Variants in TCP11 observed in about 807,000 individuals in gnomAD.
The protein encoded by TCP11 is t-complex 11, also known as T-complex protein 11 homolog.
TCP11 carries 34 observed loss-of-function variants against 45.0 expected under a neutral mutation model. That is an observed-to-expected ratio of 0.76 (90% CI 0.57 to 1.01). The LOEUF (loss-of-function observed/expected upper bound fraction) is 1.01. TCP11 is among the 50% of genes least tolerant of loss of function. The pLI is 0.00. For synonymous variants in TCP11, 227 were observed against 227.0 expected (o/e 1.00, Z 0.00); for missense variants, 523 against 598.1 (o/e 0.87, Z 1.31).
intron 4 of TCP11, among the ~76,000 whole-genome samples, chr6:35,127,790 T>G (rs1438369600): frequency 6.6e-6 from 1 of 152,198 alleles, no homozygotes; most frequent in Non-Finnish European, 1.5e-5. Context: ...AAATAATAAA[T>G]AGCTATCTGT....
chr6:35,128,157 A>C (rs539698096), intron 4 of TCP11: 1 of 152,280 alleles, frequency 6.6e-6, no homozygotes, highest in African/African-American at 2.4e-5. Context: ...CTGCAAGCAA[A>C]GTGTTAGCTG....
At chr6:35,123,507 CAG>C (rs1779503848) in intron 4 of TCP11, among the ~76,000 whole-genome samples, 1 of 152,084 alleles carries the variant, frequency 6.6e-6, no homozygotes, top group South Asian at 2.1e-4. Flanking sequence ...TCTTTTGAGA[CAG>C]AGTTTCAATC....
In TCP11 at chr6:35,120,124, C is replaced by A. The variant is rs1439181020; in HGVS notation, c.1115+35G>T. The A allele has an allele frequency of 1.9e-6, 3 of 1,600,456 alleles. No individual in the cohort carries two copies. The African/African-American group carries it at 4.0e-5, about 21-fold the overall frequency. On this transcript the variant is annotated intron_variant, in intron 8 of 9. Transcript: ENST00000311875. The surrounding 1 kb of genome is among the most constrained non-coding windows in gnomAD (Gnocchi z 4.9). The stretch of plus-strand genomic sequence containing the variant: ...TGCCTATGTTCTAAATACCACATAT[C>A]ACCTTCTACTCTAAAAAGTAACTAT...
chr6:35,136,682 C>T (rs1464136343), intron 2 of TCP11, among the ~76,000 whole-genome samples: 4 of 63,606 alleles, frequency 6.3e-5, no homozygotes, highest in African/African-American at 1.9e-4. Context: ...TCTTCTAAAG[C>T]GGTAGTTCTC....
At chr6:35,128,553 T>A (rs1362039568) in intron 4 of TCP11, 2 of 152,886 alleles carry the variant, frequency 1.3e-5, no homozygotes, top group African/African-American at 2.4e-5. Flanking sequence ...ACATTGTGGG[T>A]CACCTTACGG....
In TCP11 at chr6:35,119,403, A is replaced by G; in HGVS notation, c.1116-12T>C. On this transcript the variant is annotated splice_polypyrimidine_tract_variant and intron_variant, in intron 8 of 9. Coordinates refer to ENST00000311875, the MANE Select transcript of TCP11 (RefSeq NM_001370687.1). ...TAGCTTCCTCAGGCCTAGACCATGA[A>G]AGAAAGTAAGCTGGCACCCACCAGG... The G allele has an allele frequency of 6.2e-7, 1 of 1,612,876 alleles. No individual in the cohort carries two copies. The highest frequency in any genetic ancestry group is 1.3e-5 in the African/African-American group (1 of 75,024).
At chr6:35,132,440 T>G (rs1211852324) in intron 3 of TCP11, among the ~76,000 whole-genome samples, 1 of 152,242 alleles carries the variant, frequency 6.6e-6, no homozygotes, top group Non-Finnish European at 1.5e-5. Context: ...TTTCTATTAT[T>G]CAACTGTCTC....
chr6:35,141,150 G>C (rs1004495077), intron 1 of TCP11, 55 bp downstream of exon 1: 7 of 1,316,788 alleles, frequency 5.3e-6, no homozygotes, highest in Non-Finnish European at 6.8e-6. Context: ...GCGGCGAGGT[G>C]CCCCCCTCGC....
At position 35,140,822 on chromosome 6, in the gene TCP11, C is replaced by CT; in HGVS notation, c.48dup (p.Glu17ArgfsTer6). The CT allele has an allele frequency of 6.4e-7, 1 of 1,553,424 alleles. No individual in the cohort carries two copies. The highest frequency in any genetic ancestry group is 8.7e-7 in the Non-Finnish European group (1 of 1,154,502). On this transcript the variant is annotated frameshift_variant, in exon 2 of 10. Transcript: ENST00000311875. LOFTEE classifies it high-confidence loss of function. ...GTTTCGGGCTTACAGGACCTGCCCT[C>CT]TGAGTCGCCAGGATATTTCGGGGGC...
intron 2 of TCP11, among the ~76,000 whole-genome samples, chr6:35,138,142 T>G (rs888011663): frequency 2.0e-5 from 3 of 152,176 alleles, no homozygotes; most frequent in Admixed American, 2.0e-4. Flanking sequence ...TTGGTGGGAA[T>G]GTAAATTAGT....
rs759717986 is a variant in TCP11, at chr6:35,120,276, A to G, written c.998T>C (p.Met333Thr). The G allele has an allele frequency of 1.2e-6, 2 of 1,614,258 alleles. No individual in the cohort carries two copies. Among genetic ancestry groups the G allele is most frequent in the Non-Finnish European group, 1.7e-6 (2 of 1,180,040 alleles). The change falls in exon 8 of 10, where the codon ATG becomes ACG. Residue 333 changes from methionine to threonine, a missense_variant. Met to Thr is a moderately conservative substitution (Grantham distance 81). Transcript: ENST00000311875. This position sits in a 1 kb window ranked among gnomAD's most constrained non-coding sequence, Gnocchi z 4.9. ...ACTGGCCACCAGCAAGACTGAGGCC[A>G]TGACGGTTAACTGGTGCAACTGGGA... ...LKSQLHQLTV[M>T]ASVLLVASSF...
chr6:35,119,497 T>C, intron 8 of TCP11, 106 bp from the exon 9 acceptor site: 1 of 1,373,342 alleles, frequency 7.3e-7, no homozygotes, highest in Non-Finnish European at 9.9e-7. Flanking sequence ...AGGGAGAATG[T>C]CAGCCACCCT....
rs1438576498 is a variant in TCP11, at chr6:35,119,459, G to A, written c.1116-68C>T. On this transcript the variant is annotated intron_variant, in intron 8 of 9. Coordinates refer to ENST00000311875, the MANE Select transcript of TCP11 (RefSeq NM_001370687.1). ...CTGGCATAGGCCCAGGGCCCAGCATGCTGTATACCAGATGCCAGGCCCACT... is the reference window on the plus strand; with the variant it reads ...CTGGCATAGGCCCAGGGCCCAGCATACTGTATACCAGATGCCAGGCCCACT... 8.4e-6 allele frequency: 13 copies of A among 1,555,108 alleles called. No homozygotes were observed. The East Asian group carries it at 2.7e-4, about 32-fold the overall frequency.
chr6:35,140,676 T>A, intron 2 of TCP11, 71 bp downstream of exon 2: 2 of 759,962 alleles, frequency 2.6e-6, no homozygotes, highest in Non-Finnish European at 4.6e-6. Flanking sequence ...ACTTGGGGGA[T>A]GGGGGGGCCT....
At chr6:35,127,460 C>G (rs943127554) in intron 4 of TCP11, among the ~76,000 whole-genome samples, 8 of 152,084 alleles carry the variant, frequency 5.3e-5, no homozygotes, top group African/African-American at 1.9e-4. Context: ...AAGTTCTGGC[C>G]AAGGACAAGG....
intron 2 of TCP11, chr6:35,139,938 G>T: frequency 7.2e-7 from 1 of 1,395,184 alleles, no homozygotes; most frequent in South Asian, 1.3e-5. Context: ...TTTACTGAGA[G>T]TTGTTTTATA....
chr6:35,124,165 G>T (rs1012452132), intron 4 of TCP11, among the ~76,000 whole-genome samples: 1 of 152,098 alleles, frequency 6.6e-6, no homozygotes. Flanking sequence ...GAGTGATTTT[G>T]ATTTATTTAG....
At chr6:35,125,808 A>C (rs1041062152) in intron 4 of TCP11, among the ~76,000 whole-genome samples, 2 of 152,238 alleles carry the variant, frequency 1.3e-5, no homozygotes, top group African/African-American at 4.8e-5. Context: ...TATCCATATA[A>C]TAAGAATATT....
In TCP11 at chr6:35,136,197, GTCAGACC is replaced by G. The variant is rs769939424; in HGVS notation, c.139_145del (p.Gly47GlnfsTer10). On this transcript the variant is annotated frameshift_variant, in exon 3 of 10. Transcript: ENST00000311875. LOFTEE classifies it high-confidence loss of function. ...CTTGGAAACTTCATTAACGGTTTCT[GTCAGACC>G]TGTGACAGAAAGAACTGATGGTGGA... is the stretch of plus-strand genomic sequence containing the variant. 6.2e-7 allele frequency: 1 copy of G among 1,613,160 alleles called. No homozygotes were observed. The highest frequency in any genetic ancestry group is 8.5e-7 in the Non-Finnish European group (1 of 1,179,672).
Sources: allele counts gnomAD v4.1 joint callset (sites outside exome capture counted in the v4.1 genomes callset), GRCh38; gene constraint gnomAD v4.1.1; non-coding constraint Gnocchi (gnomAD v3.1); transcripts MANE v1.5; gene names NCBI Gene and HGNC (gene_info 2026-07-23, HGNC 2026-07-21).